Variants in SCML4 observed in about 807,000 individuals in gnomAD.
SCML4 encodes the protein sex comb on midleg-like protein 4.
A neutral mutation model predicts 41.1 loss-of-function variants in SCML4; 34 were observed. That is an observed-to-expected ratio of 0.83 (90% CI 0.63 to 1.10). The LOEUF is 1.10. Ranked by LOEUF, SCML4 falls within the 50% of genes least tolerant of loss-of-function variation. The probability of loss-of-function intolerance (pLI) is 0.00; values close to 1 mark genes in which losing one functional copy is unlikely to be tolerated. For missense variants in SCML4, 522 were observed against 534.1 expected, an observed-to-expected ratio of 0.98 and a Z score of 0.22; for synonymous variants, 214 against 220.9, an observed-to-expected ratio of 0.97 and a Z score of 0.28.
chr6:107,717,035 C>G (rs1774879178), intron 6 of SCML4, among the ~76,000 whole-genome samples: 1 of 150,328 alleles, frequency 6.7e-6, no homozygotes, highest in African/African-American at 2.4e-5. Context: ...CGGGGTGGCT[C>G]ACGCCTGTGG....
At chr6:107,843,527 T>C in the SCML4 span, among the ~76,000 whole-genome samples, 14 of 152,178 alleles carry the variant, frequency 9.2e-5, no homozygotes, top group African/African-American at 3.1e-4. Flanking sequence ...AAGTGGCTTA[T>C]TCAAAATCAC....
chr6:107,717,325 A>G (rs1456912112), intron 6 of SCML4, among the ~76,000 whole-genome samples: 3 of 150,734 alleles, frequency 2.0e-5, no homozygotes, highest in Non-Finnish European at 4.4e-5. Context: ...TCGGAGAATT[A>G]AAGTGTTAAC....
intron 4 of SCML4, chr6:107,745,912 G>C (rs1272874878): frequency 6.6e-6 from 1 of 152,178 alleles, no homozygotes; most frequent in Non-Finnish European, 1.5e-5. Flanking sequence ...AAGATCGCTT[G>C]AGCCCGGAAG....
At chr6:107,714,095 T>C (rs1017098594) in intron 6 of SCML4, among the ~76,000 whole-genome samples, 6 of 152,134 alleles carry the variant, frequency 3.9e-5, no homozygotes, top group Non-Finnish European at 7.3e-5. Flanking sequence ...CAAGATGCCA[T>C]GTGGTGAGAG....
At chr6:107,824,392 A>G (rs1785159656), upstream of SCML4, 1 of 151,968 alleles carries the variant, frequency 6.6e-6, no homozygotes, top group African/African-American at 2.4e-5. Flanking sequence ...CAACCACATC[A>G]TGTCCGGAAA....
chr6:107,721,977 T>C (rs1045958065), intron 5 of SCML4, among the ~76,000 whole-genome samples: 1 of 132,760 alleles, frequency 7.5e-6, no homozygotes, highest in African/African-American at 2.7e-5. Flanking sequence ...CCAGGACTTA[T>C]CATACTTTTT....
At chr6:107,738,441 T>A (rs181277945) in intron 5 of SCML4, among the ~76,000 whole-genome samples, 9 of 151,406 alleles carry the variant, frequency 5.9e-5, no homozygotes, top group Non-Finnish European at 1.5e-5. Flanking sequence ...GGGCAACATG[T>A]CAAAATCCCG....
intron 1 of SCML4, among the ~76,000 whole-genome samples, chr6:107,817,669 T>C (rs111254218): frequency 6.6e-6 from 1 of 151,448 alleles, no homozygotes; most frequent in Non-Finnish European, 1.5e-5. Context: ...ACTTTTTTCT[T>C]ATTCTACTAT....
intron 1 of SCML4, among the ~76,000 whole-genome samples, chr6:107,810,818 C>T (rs1183825762): frequency 6.6e-6 from 1 of 152,012 alleles, no homozygotes; most frequent in Admixed American, 6.6e-5. Flanking sequence ...GCTATTTTAT[C>T]TTTTTATAGA....
At chr6:107,824,695 C>T (rs1785185510), upstream of SCML4, among the ~76,000 whole-genome samples, 1 of 152,134 alleles carries the variant, frequency 6.6e-6, no homozygotes, top group African/African-American at 2.4e-5. Context: ...ATTACCCCTC[C>T]TCTGTTGCCA....
At chr6:107,794,548 T>C (rs1782570130) in intron 1 of SCML4, among the ~76,000 whole-genome samples, 1 of 152,212 alleles carries the variant, frequency 6.6e-6, no homozygotes, top group South Asian at 2.1e-4. Flanking sequence ...ATATTATATG[T>C]ATACGTATGT....
chr6:107,761,254 A>C (rs1779563830), intron 2 of SCML4, among the ~76,000 whole-genome samples: 1 of 152,190 alleles, frequency 6.6e-6, no homozygotes, highest in Non-Finnish European at 1.5e-5. Flanking sequence ...AGCAAATCCT[A>C]AATAGGATGA....
chr6:107,812,330 T>G (rs1318031436), intron 1 of SCML4, among the ~76,000 whole-genome samples: 1 of 152,150 alleles, frequency 6.6e-6, no homozygotes, highest in East Asian at 1.9e-4. Context: ...GGGTTTCAGC[T>G]CCAAACCCTC....
upstream of SCML4, among the ~76,000 whole-genome samples, chr6:107,827,972 G>A (rs927464485): frequency 6.6e-5 from 10 of 152,196 alleles, no homozygotes; most frequent in African/African-American, 1.4e-4. Flanking sequence ...CAGTGCTACC[G>A]CCGAAACAAC....
intron 1 of SCML4, among the ~76,000 whole-genome samples, chr6:107,809,262 C>T (rs1783976838): frequency 1.3e-5 from 2 of 152,218 alleles, no homozygotes; most frequent in African/African-American, 2.4e-5. Context: ...GACTTCCCAG[C>T]CTTCAGAACC....
chr6:107,793,156 C>T (rs1782466114), intron 1 of SCML4, among the ~76,000 whole-genome samples: 2 of 152,096 alleles, frequency 1.3e-5, no homozygotes, highest in African/African-American at 4.8e-5. Flanking sequence ...CCCAATGATC[C>T]CCATCTCCTG....
the SCML4 span, among the ~76,000 whole-genome samples, chr6:107,830,015 C>T: frequency 3.9e-5 from 6 of 152,160 alleles, no homozygotes; most frequent in Admixed American, 1.3e-4. Flanking sequence ...CCATGATGGG[C>T]TTCACTATCA....
intron 1 of SCML4, among the ~76,000 whole-genome samples, chr6:107,812,661 C>T (rs965686476): frequency 6.6e-6 from 1 of 152,188 alleles, no homozygotes; most frequent in African/African-American, 2.4e-5. Flanking sequence ...GGGACCTCCC[C>T]CTGCCTGACT....
At position 107,745,087 on chromosome 6, in the gene SCML4, T is replaced by G; in HGVS notation, c.544A>C (p.Ile182Leu). 6.2e-7 allele frequency: 1 copy of G among 1,612,188 alleles called. No homozygotes were observed. Among genetic ancestry groups the G allele is most frequent in the Non-Finnish European group, 8.5e-7 (1 of 1,179,074 alleles). The change falls in exon 5 of 8, where the codon ATC (isoleucine) becomes CTC (leucine). Residue 182 changes from isoleucine to leucine, a missense_variant. By Grantham distance (5) the Ile-to-Leu change is conservative. Coordinates refer to ENST00000369020, the MANE Select transcript of SCML4 (RefSeq NM_198081.5). ...HLRSLPVVNS[I>L]GYVLRFLAKL... ...GCGAGGAAGCGGAGGACATAGCCGA[T>G]GCTGTTCACCACAGGCAGGCTCCGC... is the stretch of plus-strand genomic sequence containing the variant.
Sources: gnomAD v4.1 joint callset for allele counts (sites outside exome capture counted in the v4.1 genomes callset) on GRCh38, gnomAD v4.1.1 for gene constraint, MANE v1.5 for transcripts, NCBI Gene and HGNC (gene_info 2026-07-23, HGNC 2026-07-21) for gene names.